CACNB2: variants seen among roughly 807,000 people sequenced by gnomAD.
CACNB2 encodes voltage-dependent L-type calcium channel subunit beta-2.
Under a neutral mutation model 73.3 loss-of-function variants are expected in CACNB2, and 42 were observed. The observed-to-expected ratio is 0.57, with a 90% CI of 0.45 to 0.74. The LOEUF (loss-of-function observed/expected upper bound fraction) is 0.74, where lower values mean the gene tolerates loss of function less well. Among genes scored for constraint, CACNB2 ranks in the 30% least tolerant of loss-of-function variants. The pLI is 0.00. For synonymous variants in CACNB2, 348 were observed against 310.3 expected (o/e 1.12, Z -1.28); for missense variants, 940 against 853.0 (o/e 1.10, Z -1.27).
chr10:18,279,650 T>C (rs1435594023), intron 2 of CACNB2, among the ~76,000 whole-genome samples: 1 of 152,234 alleles, frequency 6.6e-6, no homozygotes, highest in Non-Finnish European at 1.5e-5. Flanking sequence ...CAAAGAGAAG[T>C]TATCATAAGA....
chr10:18,308,461 C>T (rs142900981), intron 2 of CACNB2, among the ~76,000 whole-genome samples: 3 of 152,300 alleles, frequency 2.0e-5, no homozygotes, highest in Admixed American at 1.3e-4. Context: ...ACTCTCCTCC[C>T]GCCCTCCGCT....
chr10:18,158,332 G>A (rs749705590), intron 2 of CACNB2, among the ~76,000 whole-genome samples: 15 of 152,068 alleles, frequency 9.9e-5, no homozygotes, highest in Non-Finnish European at 1.2e-4. Flanking sequence ...AATTTATTAC[G>A]GAGAACAAAG....
chr10:18,456,445 CA>C, intron 3 of CACNB2, among the ~76,000 whole-genome samples: 1 of 152,142 alleles, frequency 6.6e-6, no homozygotes. Context: ...GCCTGGATGA[CA>C]GAGCAAGACT....
At chr10:18,478,520 G>A (rs961279576) in intron 3 of CACNB2, among the ~76,000 whole-genome samples, 1 of 152,108 alleles carries the variant, frequency 6.6e-6, no homozygotes, top group Non-Finnish European at 1.5e-5. Context: ...CTGCTGTAAG[G>A]GCCAAGGGAA....
chr10:18,249,240 A>C (rs1356759241), intron 2 of CACNB2, among the ~76,000 whole-genome samples: 1 of 152,060 alleles, frequency 6.6e-6, no homozygotes, highest in Non-Finnish European at 1.5e-5. Context: ...GGGTGAACCA[A>C]CTAAGAGTCT....
At chr10:18,250,305 T>C (rs1198919336) in intron 2 of CACNB2, among the ~76,000 whole-genome samples, 1 of 152,234 alleles carries the variant, frequency 6.6e-6, no homozygotes, top group African/African-American at 2.4e-5. Context: ...ATGCAGTCCT[T>C]GTTGTAACTT....
At chr10:18,455,676 G>T (rs2047242686) in intron 3 of CACNB2, among the ~76,000 whole-genome samples, 1 of 152,188 alleles carries the variant, frequency 6.6e-6, no homozygotes, top group Non-Finnish European at 1.5e-5. Context: ...ATTTTAAGAA[G>T]GTTAAGGCAC....
At chr10:18,538,591 A>G (rs541577540) in intron 13 of CACNB2, among the ~76,000 whole-genome samples, 1 of 152,262 alleles carries the variant, frequency 6.6e-6, no homozygotes, top group South Asian at 2.1e-4. Flanking sequence ...AAACAGTAGC[A>G]TAGACTGTGG....
chr10:18,182,527 A>C (rs1375773594), intron 2 of CACNB2, among the ~76,000 whole-genome samples: 1 of 151,946 alleles, frequency 6.6e-6, no homozygotes, highest in Admixed American at 6.6e-5. Flanking sequence ...ATTAAAAAAA[A>C]AAAAATCACC....
chr10:18,192,548 T>G (rs1000015411), intron 2 of CACNB2, among the ~76,000 whole-genome samples: 3 of 152,118 alleles, frequency 2.0e-5, no homozygotes, highest in Admixed American at 6.6e-5. Context: ...ATTAAATACA[T>G]TCACGATGTT....
At chr10:18,513,255 A>G (rs998946377) in intron 6 of CACNB2, 13 of 160,700 alleles carry the variant, frequency 8.1e-5, no homozygotes, top group African/African-American at 3.1e-4. Flanking sequence ...ACAGAATAAG[A>G]GAAGATGCTT....
At chr10:18,269,016 A>T (rs1182458808) in intron 2 of CACNB2, among the ~76,000 whole-genome samples, 1 of 152,066 alleles carries the variant, frequency 6.6e-6, no homozygotes, top group East Asian at 1.9e-4. Context: ...ATGAGATGTT[A>T]TATGTGGAGG....
chr10:18,447,312 T>C (rs2046783632), intron 3 of CACNB2, among the ~76,000 whole-genome samples: 1 of 152,122 alleles, frequency 6.6e-6, no homozygotes, highest in Non-Finnish European at 1.5e-5. Flanking sequence ...AAGTTGCATG[T>C]TTTGTGGAAG....
At chr10:18,436,817 G>A (rs1424176750) in intron 3 of CACNB2, among the ~76,000 whole-genome samples, 1 of 152,100 alleles carries the variant, frequency 6.6e-6, no homozygotes, top group South Asian at 2.1e-4. Flanking sequence ...ATAAAAATTT[G>A]CCAAAGATTG....
intron 2 of CACNB2, among the ~76,000 whole-genome samples, chr10:18,347,635 A>G (rs1411428679): frequency 2.0e-5 from 3 of 152,070 alleles, no homozygotes; most frequent in African/African-American, 7.2e-5. Flanking sequence ...ATAAAAGCCT[A>G]TACAGGTAAT....
Position 18,539,809 on chromosome 10 carries a change from A to T in CACNB2, c.*85A>T. On this transcript the variant is annotated 3_prime_UTR_variant, in exon 14 of 14. Transcript: ENST00000324631. ...CCCCAAAACAAAGTCTTTGGGGTCT[A>T]CACTGCAATCATATGTGATCTGTCT... 8.3e-6 allele frequency: 11 copies of T among 1,329,298 alleles called. No individual in the cohort carries two copies. In the Admixed American group the frequency reaches 1.0e-4, roughly 12 times the overall value. The allele number at this position is 1,329,298 out of a possible 1,614,324, so 82.3% of individuals were successfully genotyped here.
chr10:18,423,326 G>A (rs1275597262), intron 3 of CACNB2, among the ~76,000 whole-genome samples: 2 of 152,172 alleles, frequency 1.3e-5, no homozygotes, highest in African/African-American at 2.4e-5. Context: ...ATAACGTGAA[G>A]AGCTCTTTTT....
chr10:18,328,278 G>T (rs2131996884), intron 2 of CACNB2, among the ~76,000 whole-genome samples: 1 of 152,304 alleles, frequency 6.6e-6, no homozygotes. Flanking sequence ...AAATCCACAT[G>T]CTCAACCAAG....
intron 2 of CACNB2, among the ~76,000 whole-genome samples, chr10:18,201,244 C>T (rs1487340530): frequency 6.6e-6 from 1 of 151,300 alleles, no homozygotes; most frequent in Non-Finnish European, 1.5e-5. Context: ...ATCGATTTCT[C>T]ACATACCTGC....
Sources: allele counts gnomAD v4.1 joint callset (sites outside exome capture counted in the v4.1 genomes callset), GRCh38; gene constraint gnomAD v4.1.1; transcripts MANE v1.5; gene names NCBI Gene and HGNC (gene_info 2026-07-23, HGNC 2026-07-21).